PPTC7: variants seen among roughly 807,000 people sequenced by gnomAD.
The protein encoded by PPTC7 is protein phosphatase PTC7 homolog.
A neutral mutation model predicts 30.8 loss-of-function variants in PPTC7; 6 were observed. That is an observed-to-expected ratio of 0.19 (90% CI 0.11 to 0.38). The LOEUF (loss-of-function observed/expected upper bound fraction) is 0.38. Among genes scored for constraint, PPTC7 ranks in the 10% least tolerant of loss-of-function variants. PPTC7 has a pLI of 1.00. For missense variants in PPTC7, 218 were observed against 404.8 expected (o/e 0.54, Z 3.96); for synonymous variants, 163 against 168.1 (o/e 0.97, Z 0.23).
chr12:110,582,659 T>C (rs949964411), intron 1 of PPTC7, 150 bp downstream of exon 1: 9 of 677,542 alleles, frequency 1.3e-5, no homozygotes, highest in Non-Finnish European at 1.9e-5. Context: ...CTCGGAGCGC[T>C]TGGCACGGCG....
intron 1 of PPTC7, among the ~76,000 whole-genome samples, chr12:110,582,267 C>T (rs1356412829): frequency 6.6e-6 from 1 of 152,206 alleles, no homozygotes; most frequent in East Asian, 1.9e-4. Flanking sequence ...GCCCCCACCG[C>T]CACACTCCGA....
intron 1 of PPTC7, among the ~76,000 whole-genome samples, chr12:110,564,756 A>G (rs185046359): frequency 6.4e-4 from 96 of 149,840 alleles, no homozygotes; most frequent in African/African-American, 2.3e-3. Context: ...ATTTATATAC[A>G]CATATATATA....
At chr12:110,574,878 A>G (rs1450671629) in intron 1 of PPTC7, among the ~76,000 whole-genome samples, 1 of 151,500 alleles carries the variant, frequency 6.6e-6, no homozygotes, top group Non-Finnish European at 1.5e-5. Flanking sequence ...TCCCAGGTTC[A>G]AGCGATTCTC....
intron 1 of PPTC7, among the ~76,000 whole-genome samples, chr12:110,579,228 AAGGATCAAATG>A (rs2064615810): frequency 6.6e-6 from 1 of 152,146 alleles, no homozygotes; most frequent in Non-Finnish European, 1.5e-5. Flanking sequence ...CAGGACAGCC[AAGGATCAAATG>A]AGGCCAACTC....
Position 110,536,864 on chromosome 12 carries a change from A to G in PPTC7, c.*173T>C. On this transcript the variant is annotated 3_prime_UTR_variant, in exon 6 of 6. Transcript: ENST00000354300. ...GCCGGCAGATATGAGCTAGTGAATG[A>G]TAGTAGTGGTTCTCAACAAAGATCT... 1.7e-6 allele frequency: 1 copy of G among 589,660 alleles called. No homozygotes were observed. The highest frequency in any genetic ancestry group is 2.9e-5 in the Admixed American group (1 of 35,080). 36.5% of individuals were successfully genotyped at this position (589,660 alleles called of 1,614,324 possible).
chr12:110,577,473 A>G (rs984318510), intron 1 of PPTC7, among the ~76,000 whole-genome samples: 1 of 152,130 alleles, frequency 6.6e-6, no homozygotes, highest in Non-Finnish European at 1.5e-5. Flanking sequence ...CACTTTCAGA[A>G]TAGAGGTTCT....
At chr12:110,549,134 T>C (rs1315713475) in intron 2 of PPTC7, among the ~76,000 whole-genome samples, 2 of 152,206 alleles carry the variant, frequency 1.3e-5, no homozygotes, top group African/African-American at 4.8e-5. Context: ...AAGCCTTTTG[T>C]ATGGCAGAAA....
At chr12:110,578,766 C>T (rs1475860228) in intron 1 of PPTC7, among the ~76,000 whole-genome samples, 4 of 152,188 alleles carry the variant, frequency 2.6e-5, no homozygotes, top group Non-Finnish European at 5.9e-5. Context: ...TTCAACGTAA[C>T]GTTATTACTC....
At chr12:110,554,699 T>C (rs528343285) in intron 1 of PPTC7, among the ~76,000 whole-genome samples, 1 of 152,278 alleles carries the variant, frequency 6.6e-6, no homozygotes, top group East Asian at 1.9e-4. Context: ...ACTCAAACTC[T>C]TGCAAAACAC....
intron 1 of PPTC7, among the ~76,000 whole-genome samples, chr12:110,558,756 G>C (rs2064410258): frequency 6.6e-6 from 1 of 152,030 alleles, no homozygotes; most frequent in South Asian, 2.1e-4. Flanking sequence ...CCCCCAAGTA[G>C]CTACCACGCT....
At chr12:110,542,664 A>G (rs576463994) in intron 3 of PPTC7, among the ~76,000 whole-genome samples, 89 of 134,490 alleles carry the variant, frequency 6.6e-4, no homozygotes, top group African/African-American at 2.0e-3. Context: ...GCAGAGCGAG[A>G]CTCTGTCTCA....
Position 110,548,714 on chromosome 12 carries a change from G to A in PPTC7, c.404-2636C>T, listed in dbSNP as rs544549013. On this transcript the variant is annotated intron_variant, in intron 2 of 5. Coordinates refer to ENST00000354300, the MANE Select transcript of PPTC7 (RefSeq NM_139283.2). ...TCATGTGACTCCTTATATACTCACTGACGAAGCCAGGCTATCCTTTGCTAC... is the reference window on the plus strand; with the variant it reads ...TCATGTGACTCCTTATATACTCACTAACGAAGCCAGGCTATCCTTTGCTAC... Among the ~76,000 whole-genome samples, 8 of 152,304 alleles carry A rather than the reference G, an allele frequency of 5.3e-5. No homozygotes were observed. The East Asian group carries it at 1.3e-3, about 26-fold the overall frequency.
chr12:110,579,268 G>A (rs2064616134), intron 1 of PPTC7, among the ~76,000 whole-genome samples: 1 of 152,202 alleles, frequency 6.6e-6, no homozygotes, highest in Non-Finnish European at 1.5e-5. Flanking sequence ...ATTTCAGGTG[G>A]CTTCCAAGAC....
chr12:110,562,023 C>T (rs145315202), intron 1 of PPTC7, among the ~76,000 whole-genome samples: 25 of 152,148 alleles, frequency 1.6e-4, no homozygotes, highest in African/African-American at 3.6e-4. Flanking sequence ...TTATCCCAAA[C>T]GGAGAGTCGC....
chr12:110,560,821 T>C (rs1490964034), intron 1 of PPTC7, among the ~76,000 whole-genome samples: 1 of 152,254 alleles, frequency 6.6e-6, no homozygotes, highest in Non-Finnish European at 1.5e-5. Context: ...AATAGCTTTA[T>C]TCCTTGCATC....
At chr12:110,538,034 T>TG (rs34572432) in intron 5 of PPTC7, 110 bp downstream of exon 5, 1 of 1,184,388 alleles carries the variant, frequency 8.4e-7, no homozygotes, top group South Asian at 1.5e-5. Flanking sequence ...GTGCACAGTT[T>TG]GGGGGCTGGG....
rs2064214562 is a variant in PPTC7, at chr12:110,535,882, C to T, written c.*1155G>A. The stretch of plus-strand genomic sequence containing the variant: ...AAAATGGCTATTTGGAAACTGTAAA[C>T]ATTAAGCTTGATTCAGAAACCCCTA... On this transcript the variant is annotated 3_prime_UTR_variant, in exon 6 of 6. Coordinates refer to ENST00000354300, the MANE Select transcript of PPTC7 (RefSeq NM_139283.2). 1 of 152,586 alleles carries T rather than the reference C, an allele frequency of 6.6e-6. No individual in the cohort carries two copies. The highest frequency in any genetic ancestry group is 2.4e-5 in the African/African-American group (1 of 41,432). The allele number at this position is 152,586 out of a possible 1,614,324, so 9.5% of individuals were successfully genotyped here.
chr12:110,564,789 TTA>T (rs762302882), intron 1 of PPTC7, among the ~76,000 whole-genome samples: 15,395 of 145,706 alleles, frequency 0.11, 1,125 homozygotes, highest in African/African-American at 0.19. Flanking sequence ...TACATACACG[TTA>T]TATATATATA....
At chr12:110,538,114 G>A (rs777361395) in intron 5 of PPTC7, 30 bp downstream of exon 5, 6 of 1,610,444 alleles carry the variant, frequency 3.7e-6, no homozygotes, top group South Asian at 1.1e-5. Flanking sequence ...TCCCCAGTCA[G>A]TCCCTATGAC....
Sources: allele counts gnomAD v4.1 joint callset (sites outside exome capture counted in the v4.1 genomes callset), GRCh38; gene constraint gnomAD v4.1.1; transcripts MANE v1.5; gene names NCBI Gene and HGNC (gene_info 2026-07-23, HGNC 2026-07-21).